HERC1: variants seen among roughly 807,000 people sequenced by gnomAD.
The protein encoded by HERC1 is probable E3 ubiquitin-protein ligase HERC1.
In HERC1, 160 loss-of-function variants were observed where a neutral mutation model predicts 554.3. That is an observed-to-expected ratio of 0.29 (90% CI 0.25 to 0.33). The LOEUF (loss-of-function observed/expected upper bound fraction) is 0.33, where lower values mean the gene tolerates loss of function less well. HERC1 is among the 10% of genes least tolerant of loss of function. HERC1 has a pLI of 1.00. For missense variants in HERC1, 4,919 were observed against 5,918.5 expected (o/e 0.83, Z 5.54); for synonymous variants, 2,175 against 2,131.7 (o/e 1.02, Z -0.56).
chr15:63,691,921 A>T (rs1471563505), intron 31 of HERC1, among the ~76,000 whole-genome samples: 1 of 152,240 alleles, frequency 6.6e-6, no homozygotes, highest in Admixed American at 6.5e-5. Flanking sequence ...ACAGGAAAGG[A>T]CTGACTGTAA....
chr15:63,797,181 T>C (rs1336537729), intron 1 of HERC1, among the ~76,000 whole-genome samples: 1 of 152,212 alleles, frequency 6.6e-6, no homozygotes, highest in Non-Finnish European at 1.5e-5. Context: ...ATAAAACTAA[T>C]GAAAGGCCAC....
At chr15:63,654,058 GAGA>G in intron 51 of HERC1, 58 bp downstream of exon 51, 1 of 1,334,906 alleles carries the variant, frequency 7.5e-7, no homozygotes, top group African/African-American at 1.4e-5. Context: ...TCCTTGAGAA[GAGA>G]AGAGACTATT....
intron 12 of HERC1, among the ~76,000 whole-genome samples, chr15:63,739,195 C>CTTTTTTTTTTTTTTTTT (rs1205943240): frequency 9.8e-5 from 10 of 102,250 alleles, no homozygotes; most frequent in African/African-American, 3.6e-4. Flanking sequence ...CACTAATATA[C>CTTTTTTTTTTTTTTTTT]TTTTTTTTTT....
intron 2 of HERC1, among the ~76,000 whole-genome samples, chr15:63,768,223 T>C (rs2075843797): frequency 6.6e-6 from 1 of 152,200 alleles, no homozygotes; most frequent in Admixed American, 6.5e-5. Context: ...TTCTTTTTAA[T>C]TATTTAGGAT....
intron 59 of HERC1, among the ~76,000 whole-genome samples, chr15:63,642,322 G>A (rs781703635): frequency 1.3e-5 from 2 of 152,138 alleles, no homozygotes; most frequent in Non-Finnish European, 2.9e-5. Flanking sequence ...TCCTTTTCAA[G>A]GAAAAATTGT....
chr15:63,742,076 A>G (rs2074834229), intron 12 of HERC1, among the ~76,000 whole-genome samples: 1 of 152,224 alleles, frequency 6.6e-6, no homozygotes, highest in Non-Finnish European at 1.5e-5. Context: ...CAATTTGCAA[A>G]GTATTGACAT....
chr15:63,632,472 C>G (rs1255594975), intron 68 of HERC1: 3 of 563,394 alleles, frequency 5.3e-6, no homozygotes. Flanking sequence ...TTGGCAGGGA[C>G]TCTTCTAGCA....
At chr15:63,721,354 C>T (rs2073811804) in intron 19 of HERC1, among the ~76,000 whole-genome samples, 1 of 152,060 alleles carries the variant, frequency 6.6e-6, no homozygotes, top group South Asian at 2.1e-4. Flanking sequence ...GCATAAACCC[C>T]ATCTCTACTA....
At position 63,608,760 on chromosome 15, in the gene HERC1, A is replaced by G; in HGVS notation, c.*321T>C. On this transcript the variant is annotated 3_prime_UTR_variant, in exon 78 of 78. Coordinates refer to ENST00000443617, the MANE Select transcript of HERC1 (RefSeq NM_003922.4). ...ATACACAATGTACAATTTCATGTTC[A>G]CTGGGTGGATTTACAAAAATGTACC... 4.6e-6 allele frequency: 1 copy of G among 215,292 alleles called. No homozygotes were observed. The allele number at this position is 215,292 out of a possible 1,614,324, so 13.3% of individuals were successfully genotyped here.
intron 1 of HERC1, among the ~76,000 whole-genome samples, chr15:63,831,844 T>A (rs1371889709): frequency 6.6e-6 from 1 of 152,244 alleles, no homozygotes; most frequent in Non-Finnish European, 1.5e-5. Context: ...GCAGATTAAG[T>A]GACGCATTTA....
intron 16 of HERC1, 84 bp downstream of exon 16, chr15:63,729,152 T>C: frequency 8.1e-7 from 1 of 1,241,568 alleles, no homozygotes; most frequent in South Asian, 1.6e-5. Flanking sequence ...TTCCAGAGGC[T>C]TCTGGCTCTC....
rs182614197 is a variant in HERC1 at position 63,686,389 on chromosome 15, T to C, written c.6195A>G (p.Thr2065=). 1.5e-3 allele frequency: 2,435 copies of C among 1,613,088 alleles called. 4 individuals carry two copies. The highest frequency in any genetic ancestry group is 1.9e-3 in the Non-Finnish European group (2,266 of 1,179,572). Residue 2065 remains threonine, a synonymous_variant, in exon 34 of 78, where the codon ACA becomes ACG. Coordinates refer to ENST00000443617, the MANE Select transcript of HERC1 (RefSeq NM_003922.4). ...SGGKGYGLAS[T]GVTSGCYQWK... is the part of the protein sequence containing the mutation. ...ACTGATAGCACCCAGAAGTTACTCC[T>C]GTAGATGCCAATCCATATCCTTTCC...
Position 63,648,062 on chromosome 15 carries a change from C to G in HERC1, c.10878+7G>C. The G allele has an allele frequency of 6.4e-7, 1 of 1,551,160 alleles. No homozygotes were observed. Among genetic ancestry groups the G allele is most frequent in the Admixed American group, 2.0e-5 (1 of 50,900 alleles). ...CATAAAATTACGTTTTTTAAAGATG[C>G]ATTTACCTTATGTGCATCAATTAGA... On this transcript the variant is annotated splice_region_variant and intron_variant, in intron 55 of 77. Coordinates refer to ENST00000443617, the MANE Select transcript of HERC1 (RefSeq NM_003922.4).
rs1375064388 is a variant in HERC1, at chr15:63,716,383, C to T, written c.4069G>A (p.Ala1357Thr). 5 of 1,613,826 alleles carry T rather than the reference C, an allele frequency of 3.1e-6. No homozygotes were observed. In the South Asian group the frequency reaches 3.3e-5, roughly 11 times the overall value. The change falls in exon 22 of 78, where the codon GCT (alanine) becomes ACT (threonine). Residue 1357 changes from alanine (A) to threonine (T), a missense_variant. Physicochemically the swap from Ala to Thr is moderately conservative, Grantham distance 58. Around this residue, in one of 11 missense-constraint regions of HERC1, gnomAD observed 1,121 missense variants for 1,244.0 expected, o/e 0.90. Coordinates refer to ENST00000443617, the MANE Select transcript of HERC1 (RefSeq NM_003922.4). Reference protein sequence around the residue: ...IDEEAEMEEQAERDREEGHPE... With the variant: ...IDEEAEMEEQTERDREEGHPE... ...TGCCCCTCTTCCCGGTCTCTCTCAG[C>T]CTGTTCTTCCATTTCAGCTTCTTCA...
Position 63,756,313 on chromosome 15 carries a change from C to G in HERC1, c.1533+124G>C. On this transcript the variant is annotated intron_variant, in intron 5 of 77. Transcript: ENST00000443617. This position sits in a 1 kb window ranked among gnomAD's most constrained non-coding sequence, Gnocchi z 5.0. ...TTCTGTAAACTGTAAAGCAGAGATACAAAAGATTAAGCCAAAGGGTTGAAG... is the reference window on the plus strand; with the variant it reads ...TTCTGTAAACTGTAAAGCAGAGATAGAAAAGATTAAGCCAAAGGGTTGAAG... 1 of 726,902 alleles carries G rather than the reference C, an allele frequency of 1.4e-6. No homozygotes were observed. Among genetic ancestry groups the G allele is most frequent in the Non-Finnish European group, 2.4e-6 (1 of 424,410 alleles). 45.0% of individuals were successfully genotyped at this position (726,902 alleles called of 1,614,324 possible). A position where few individuals can be genotyped will look rare whatever the true frequency, so the allele number is the denominator to read the frequency against.
chr15:63,666,862 G>T (rs2070667701), intron 40 of HERC1, among the ~76,000 whole-genome samples: 1 of 152,176 alleles, frequency 6.6e-6, no homozygotes. Flanking sequence ...TCACAGCTGA[G>T]GTCCAACAAG....
intron 1 of HERC1, among the ~76,000 whole-genome samples, 172 bp downstream of exon 1, chr15:63,833,655 C>A (rs1222751894): frequency 4.0e-5 from 6 of 151,834 alleles, no homozygotes; most frequent in African/African-American, 1.5e-4. Context: ...CCCCAGCTCG[C>A]CTGCCGCCCA....
chr15:63,732,965 T>C lies in HERC1; in HGVS notation c.2827A>G (p.Ile943Val), dbSNP rs754764703. The C allele has an allele frequency of 6.2e-7, 1 of 1,613,944 alleles. No homozygotes were observed. The highest frequency in any genetic ancestry group is 8.5e-7 in the Non-Finnish European group (1 of 1,179,836). ...SCHPDTHLAE[I>V]LMKTLLRNLG... ...TTTCTTAAGAGGGTCTTCATCAAAATTTCAGCCAGGTGGGTATCTGGATGG... is the reference window on the plus strand; with the variant it reads ...TTTCTTAAGAGGGTCTTCATCAAAACTTCAGCCAGGTGGGTATCTGGATGG... The change falls in exon 14 of 78, where the codon ATT becomes GTT. Residue 943 changes from isoleucine to valine, a missense_variant. By Grantham distance (29) the Ile-to-Val change is conservative. Around this residue, in one of 11 missense-constraint regions of HERC1, gnomAD observed 744 missense variants for 1,090.0 expected, o/e 0.68. Coordinates refer to ENST00000443617, the MANE Select transcript of HERC1 (RefSeq NM_003922.4).
intron 27 of HERC1, 114 bp from the exon 28 acceptor site, chr15:63,695,008 A>C: frequency 2.4e-6 from 2 of 839,938 alleles, no homozygotes; most frequent in East Asian, 3.1e-5. Flanking sequence ...ATGGTTTTTA[A>C]TTATTTACTA....
Sources: allele counts gnomAD v4.1 joint callset (sites outside exome capture counted in the v4.1 genomes callset), GRCh38; gene constraint gnomAD v4.1.1; regional missense constraint gnomAD v4.1.1; non-coding constraint Gnocchi (gnomAD v3.1); transcripts MANE v1.5; gene names NCBI Gene and HGNC (gene_info 2026-07-23, HGNC 2026-07-21).